The following HKDC1 variants were observed in gnomAD, a reference collection of about 807,000 sequenced individuals.
The protein encoded by HKDC1 is hexokinase HKDC1.
Under a neutral mutation model 96.6 loss-of-function variants are expected in HKDC1, and 66 were observed. The observed-to-expected ratio is 0.68, with a 90% CI of 0.56 to 0.84. The LOEUF is 0.84. Among genes scored for constraint, HKDC1 ranks in the 40% least tolerant of loss-of-function variants. HKDC1 has a pLI of 0.00. For missense variants in HKDC1, 1,211 were observed against 1,208.1 expected, an observed-to-expected ratio of 1.00 and a Z score of -0.04; for synonymous variants, 466 against 473.1, an observed-to-expected ratio of 0.98 and a Z score of 0.20.
intron 14 of HKDC1, 150 bp downstream of exon 14, chr10:69,257,576 A>G (rs1030959170): frequency 4.4e-6 from 3 of 683,688 alleles, no homozygotes; most frequent in African/African-American, 1.8e-5. Context: ...CAGGTCACCA[A>G]GTTCTTTCTG....
intron 4 of HKDC1, among the ~76,000 whole-genome samples, chr10:69,234,528 T>G (rs1489824856): frequency 6.6e-6 from 1 of 152,260 alleles, no homozygotes; most frequent in Non-Finnish European, 1.5e-5. Flanking sequence ...GCGTTGGGAT[T>G]ACAGGCATGG....
chr10:69,247,459 C>T lies in HKDC1; in HGVS notation c.1131C>T (p.Ile377=), dbSNP rs762764977. 30 of 1,614,038 alleles carry T rather than the reference C, an allele frequency of 1.9e-5. No homozygotes were observed. The highest frequency in any genetic ancestry group is 6.7e-5 in the African/African-American group (5 of 74,916). ...TTGCCGTCCAGCATGTCTGTACCAT[C>T]GTCTCCTTCCGCTCGGCCAATCTCT... is the stretch of plus-strand genomic sequence containing the variant. ...DCIAVQHVCT[I]VSFRSANLCA... is the part of the protein sequence containing the mutation. Residue 377 remains isoleucine, a synonymous_variant, in exon 9 of 18, where the codon ATC becomes ATT. Coordinates refer to ENST00000354624, the MANE Select transcript of HKDC1 (RefSeq NM_025130.4).
chr10:69,233,091 CCTAA>C lies in HKDC1; in HGVS notation c.456_459del (p.Thr153PhefsTer33), dbSNP rs747405616. On this transcript the variant is annotated frameshift_variant, in exon 4 of 18. Coordinates refer to ENST00000354624, the MANE Select transcript of HKDC1 (RefSeq NM_025130.4). LOFTEE classifies it high-confidence loss of function. The stretch of plus-strand genomic sequence containing the variant: ...TAAAGCATAAGAAATTGCCCCTTGG[CCTAA>C]CTTTTTCTTTCCCCTGTCGACAGAC... 21 of 1,614,150 alleles carry C rather than the reference CCTAA, an allele frequency of 1.3e-5. No individual in the cohort carries two copies. The Admixed American group carries it at 2.5e-4, about 19-fold the overall frequency.
intron 14 of HKDC1, among the ~76,000 whole-genome samples, chr10:69,258,126 T>C (rs1383370194): frequency 6.6e-6 from 1 of 152,236 alleles, no homozygotes; most frequent in Non-Finnish European, 1.5e-5. Flanking sequence ...TTATCTCCCA[T>C]GCCAGGTAAG....
chr10:69,266,438 C>T (rs1412321551), intron 17 of HKDC1, among the ~76,000 whole-genome samples, 172 bp from the exon 18 acceptor site: 1 of 145,084 alleles, frequency 6.9e-6, no homozygotes, highest in Non-Finnish European at 1.5e-5. Context: ...AGTCTACACC[C>T]TGGGCAACAG....
At chr10:69,259,584 C>T (rs1394308141) in intron 15 of HKDC1, among the ~76,000 whole-genome samples, 1 of 152,208 alleles carries the variant, frequency 6.6e-6, no homozygotes, top group African/African-American at 2.4e-5. Context: ...TCTCCCGTTG[C>T]TGTAAAGAAC....
chr10:69,254,756 T>G (rs1174000342), intron 12 of HKDC1, among the ~76,000 whole-genome samples: 2 of 151,928 alleles, frequency 1.3e-5, no homozygotes, highest in African/African-American at 2.4e-5. Context: ...ATTATTGAAT[T>G]AGAAAAAAAA....
chr10:69,242,123 T>A (rs1843464015), intron 6 of HKDC1, among the ~76,000 whole-genome samples: 1 of 152,232 alleles, frequency 6.6e-6, no homozygotes, highest in Non-Finnish European at 1.5e-5. Context: ...TTTTTCTTAA[T>A]GTCCCTCAAG....
At position 69,227,231 on chromosome 10, in the gene HKDC1, C is replaced by T. The variant is rs990696322; in HGVS notation, c.88C>T (p.Arg30Trp). Residue 30 changes from arginine (R) to tryptophan (W), a missense_variant, in exon 2 of 18, where the codon CGG (arginine) becomes TGG (tryptophan). Arg to Trp is a moderately radical substitution (Grantham distance 101). Coordinates refer to ENST00000354624, the MANE Select transcript of HKDC1 (RefSeq NM_025130.4). ...GGTGGACAGGTTCCTGTATCACATG[C>T]GGCTCTCCGATGACACCCTTTTGGA... Reference protein sequence around the residue: ...KKVDRFLYHMRLSDDTLLDIM... With the variant: ...KKVDRFLYHMWLSDDTLLDIM... The T allele has an allele frequency of 8.7e-6, 14 of 1,613,976 alleles. No homozygotes were observed. Among genetic ancestry groups the T allele is most frequent in the South Asian group, 2.2e-5 (2 of 91,086 alleles).
chr10:69,239,328 T>G (rs1338490375), intron 5 of HKDC1, among the ~76,000 whole-genome samples, 191 bp downstream of exon 5: 4 of 152,206 alleles, frequency 2.6e-5, no homozygotes, highest in African/African-American at 4.8e-5. Context: ...CCACAGAGCC[T>G]TGGTAGGCGG....
intron 1 of HKDC1, among the ~76,000 whole-genome samples, chr10:69,225,589 G>A (rs190773667): frequency 7.2e-5 from 11 of 152,264 alleles, no homozygotes; most frequent in South Asian, 2.1e-4. Flanking sequence ...GGGTCTGTTC[G>A]TTGTCACGAG....
chr10:69,233,460 A>G (rs1843306590), intron 4 of HKDC1, among the ~76,000 whole-genome samples: 1 of 152,118 alleles, frequency 6.6e-6, no homozygotes, highest in Admixed American at 6.5e-5. Flanking sequence ...AGGAGGCCCT[A>G]AATTCGCCTC....
At chr10:69,249,738 A>T (rs1217596116) in intron 10 of HKDC1, among the ~76,000 whole-genome samples, 2 of 151,740 alleles carry the variant, frequency 1.3e-5, no homozygotes, top group Non-Finnish European at 2.9e-5. Context: ...TGACTTCGTG[A>T]TCCACCTGCC....
At chr10:69,266,137 A>G (rs1268674322) in intron 17 of HKDC1, among the ~76,000 whole-genome samples, 1 of 152,240 alleles carries the variant, frequency 6.6e-6, no homozygotes, top group Non-Finnish European at 1.5e-5. Flanking sequence ...TAGCACATGT[A>G]AAGTGCTTCA....
At chr10:69,222,715 C>A (rs1843086046) in intron 1 of HKDC1, among the ~76,000 whole-genome samples, 1 of 152,176 alleles carries the variant, frequency 6.6e-6, no homozygotes, top group Non-Finnish European at 1.5e-5. Flanking sequence ...GGGAGCTGAC[C>A]TCCCTCTCCC....
intron 4 of HKDC1, among the ~76,000 whole-genome samples, chr10:69,233,935 G>C (rs10823322): frequency 0.47 from 67,846 of 145,068 alleles, 16,332 homozygotes; most frequent in East Asian, 0.76. Context: ...GGAGGAGTGA[G>C]AATGTCCTGG....
In HKDC1 at chr10:69,220,335, T is replaced by C; in HGVS notation, c.-101T>C. ...CCGCAACACCTCGCTCCCCAGGAGG[T>C]CTGCCAGCCTGGACTGGAAGCGTGC... On this transcript the variant is annotated 5_prime_UTR_variant, in exon 1 of 18. Coordinates refer to ENST00000354624, the MANE Select transcript of HKDC1 (RefSeq NM_025130.4). 1.2e-6 allele frequency: 1 copy of C among 817,456 alleles called. No homozygotes were observed. The highest frequency in any genetic ancestry group is 1.8e-6 in the Non-Finnish European group (1 of 542,528). The allele number at this position is 817,456 out of a possible 1,614,324, so 50.6% of individuals were successfully genotyped here. A position where few individuals can be genotyped will look rare whatever the true frequency, so the allele number is the denominator to read the frequency against.
chr10:69,236,357 C>T (rs903223063), intron 4 of HKDC1, among the ~76,000 whole-genome samples: 1 of 151,884 alleles, frequency 6.6e-6, no homozygotes, highest in African/African-American at 2.4e-5. Context: ...ATCCTCCCGC[C>T]TCAGCCTCCC....
Position 69,262,921 on chromosome 10 carries a change from CTT to C in HKDC1, c.2372+1638_2372+1639del, listed in dbSNP as rs71035084. 5.5e-5 allele frequency among the ~76,000 whole-genome samples: 8 copies of C among 145,824 alleles called. No individual in the cohort carries two copies. In the East Asian group the frequency reaches 9.8e-4, roughly 18 times the overall value. On this transcript the variant is annotated intron_variant, in intron 16 of 17. Transcript: ENST00000354624. ...GACAAGTTTACTTATCTTTGCCTTG[CTT>C]TTTTTTTTTTCCGTAATAAAAGAAA...
Sources: allele counts gnomAD v4.1 joint callset (sites outside exome capture counted in the v4.1 genomes callset), GRCh38; gene constraint gnomAD v4.1.1; transcripts MANE v1.5; gene names NCBI Gene and HGNC (gene_info 2026-07-23, HGNC 2026-07-21).